The following STRBP variants were observed in gnomAD, a reference collection of about 807,000 sequenced individuals.
STRBP encodes the protein spermatid perinuclear RNA-binding protein.
Under a neutral mutation model 80.1 loss-of-function variants are expected in STRBP, and 13 were observed. That is an observed-to-expected ratio of 0.16 (90% CI 0.11 to 0.26). The LOEUF is 0.26. STRBP is among the 10% of genes least tolerant of loss of function. The pLI is 1.00. For synonymous variants in STRBP, 284 were observed against 291.2 expected (o/e 0.98, Z 0.25); for missense variants, 485 against 815.2 (o/e 0.59, Z 4.93).
At chr9:123,262,014 T>A (rs2041170116) in intron 1 of STRBP, among the ~76,000 whole-genome samples, 1 of 152,216 alleles carries the variant, frequency 6.6e-6, no homozygotes, top group Non-Finnish European at 1.5e-5. Context: ...ACCAACCACT[T>A]ATTTATTAGA....
rs181221377 is a variant in STRBP at position 123,225,412 on chromosome 9, C to A, written c.-165+11418G>T. On this transcript the variant is annotated intron_variant, in intron 2 of 18. Coordinates refer to ENST00000348403, the MANE Select transcript of STRBP (RefSeq NM_018387.5). ...CTAGACACCATGGAAATTATTCTAT[C>A]TAATCACAGCCACCTCTGGAGGTTG... 4.6e-5 allele frequency among the ~76,000 whole-genome samples: 7 copies of A among 152,264 alleles called. No individual in the cohort carries two copies. In the East Asian group the frequency reaches 1.3e-3, roughly 29 times the overall value.
intron 2 of STRBP, among the ~76,000 whole-genome samples, chr9:123,196,930 G>A (rs2039113106): frequency 6.6e-6 from 1 of 152,138 alleles, no homozygotes; most frequent in Admixed American, 6.5e-5. Flanking sequence ...AAAGGTAACT[G>A]CACTCCCATG....
chr9:123,167,565 A>G (rs2037822579), intron 6 of STRBP, among the ~76,000 whole-genome samples: 2 of 152,170 alleles, frequency 1.3e-5, no homozygotes, highest in South Asian at 4.1e-4. Context: ...AAGTTAGAAA[A>G]AACGAGCAAA....
At chr9:123,223,042 A>G (rs1270778857) in intron 2 of STRBP, among the ~76,000 whole-genome samples, 1 of 146,500 alleles carries the variant, frequency 6.8e-6, no homozygotes, top group African/African-American at 2.5e-5. Flanking sequence ...AAGCTCAGAT[A>G]GATAGATGAT....
At chr9:123,212,880 C>A (rs866003314) in intron 2 of STRBP, among the ~76,000 whole-genome samples, 2 of 152,136 alleles carry the variant, frequency 1.3e-5, no homozygotes, top group Non-Finnish European at 2.9e-5. Flanking sequence ...ATAAAAGGGC[C>A]AGACTCATAA....
intron 1 of STRBP, among the ~76,000 whole-genome samples, chr9:123,259,646 T>C (rs552776728): frequency 1.1e-4 from 17 of 151,744 alleles, no homozygotes; most frequent in Non-Finnish European, 2.4e-4. Flanking sequence ...GCAGCAGAGG[T>C]TGCGGTAAGC....
intron 4 of STRBP, 118 bp downstream of exon 4, chr9:123,178,889 G>T: frequency 1.3e-6 from 1 of 799,922 alleles, no homozygotes; most frequent in Non-Finnish European, 2.0e-6. Flanking sequence ...CTTGGTTATA[G>T]TCTCACATAT....
rs542837589 is a variant in STRBP, at chr9:123,146,654, G to A, written c.1338+201C>T. On this transcript the variant is annotated intron_variant, in intron 13 of 18. Transcript: ENST00000348403. ...ATATTTTAATTCTTTACTTCTTTCC[G>A]TATTTTCCAAATTTTGTAAGACTAC... 4.3e-4 allele frequency among the ~76,000 whole-genome samples: 65 copies of A among 150,424 alleles called. 1 individual carries two copies. Among genetic ancestry groups the A allele is most frequent in the African/African-American group, 1.5e-3 (60 of 40,876 alleles).
chr9:123,166,954 A>G (rs1187339471), intron 6 of STRBP, among the ~76,000 whole-genome samples: 1 of 152,214 alleles, frequency 6.6e-6, no homozygotes, highest in Non-Finnish European at 1.5e-5. Flanking sequence ...AAACTTACCT[A>G]TGAAACAGTA....
intron 9 of STRBP, among the ~76,000 whole-genome samples, chr9:123,158,890 G>A (rs575838738): frequency 1.3e-5 from 2 of 152,222 alleles, no homozygotes; most frequent in African/African-American, 4.8e-5. Flanking sequence ...TACCCTTTAT[G>A]TTAGTACATA....
Position 123,115,515 on chromosome 9 carries a change from T to C in STRBP, c.*84+414A>G. On this transcript the variant is annotated intron_variant and NMD_transcript_variant, in intron 3 of 3. Coordinates refer to the STRBP transcript ENST00000471564. The surrounding 1 kb of genome is among the most constrained non-coding windows in gnomAD (Gnocchi z 5.0). ...TCCCTGTACTCTCCATCTGGGTCAA[T>C]GATTTCACCTTCTACTCAGTTGTCT... is the stretch of plus-strand genomic sequence containing the variant. The C allele has an allele frequency of 2.6e-6, 1 of 381,154 alleles. No homozygotes were observed. Among genetic ancestry groups the C allele is most frequent in the Non-Finnish European group, 5.4e-6 (1 of 184,840 alleles). 23.6% of individuals were successfully genotyped at this position (381,154 alleles called of 1,614,324 possible). A position where few individuals can be genotyped will look rare whatever the true frequency, so the allele number is the denominator to read the frequency against.
At chr9:123,154,332 C>T (rs111817242) in intron 11 of STRBP, among the ~76,000 whole-genome samples, 6 of 152,080 alleles carry the variant, frequency 3.9e-5, no homozygotes, top group African/African-American at 1.2e-4. Flanking sequence ...AAGCCAGTCA[C>T]GAAAGATTAA....
chr9:123,148,890 G>A (rs1305696527), intron 11 of STRBP, among the ~76,000 whole-genome samples: 1 of 152,102 alleles, frequency 6.6e-6, no homozygotes, highest in Non-Finnish European at 1.5e-5. Context: ...GCAACATAAT[G>A]GGCACTGAGC....
chr9:123,167,687 A>C (rs909116684), intron 6 of STRBP, among the ~76,000 whole-genome samples: 1 of 152,116 alleles, frequency 6.6e-6, no homozygotes, highest in African/African-American at 2.4e-5. Flanking sequence ...AAAACATTAG[A>C]TCAAAGCTGA....
At chr9:123,193,433 C>T (rs72753298) in intron 2 of STRBP, among the ~76,000 whole-genome samples, 25,649 of 152,140 alleles carry the variant, frequency 0.17, 2,698 homozygotes, top group South Asian at 0.27. Context: ...GCACAAATTC[C>T]ATTACTTATT....
At chr9:123,203,415 T>C (rs2039400222) in intron 2 of STRBP, among the ~76,000 whole-genome samples, 1 of 152,044 alleles carries the variant, frequency 6.6e-6, no homozygotes, top group Non-Finnish European at 1.5e-5. Context: ...TTCTAATAGT[T>C]TCCTGTCTCT....
At chr9:123,174,575 C>G (rs929698401) in intron 4 of STRBP, among the ~76,000 whole-genome samples, 1 of 152,214 alleles carries the variant, frequency 6.6e-6, no homozygotes, top group Non-Finnish European at 1.5e-5. Context: ...TGCCTGCTGA[C>G]TCAGTATCCA....
chr9:123,266,925 C>T (rs184556755), intron 1 of STRBP, among the ~76,000 whole-genome samples: 6 of 152,062 alleles, frequency 3.9e-5, no homozygotes, highest in Admixed American at 3.3e-4. Flanking sequence ...TGCTTCCCTC[C>T]CTCCACCTAC....
In STRBP at chr9:123,136,403, T is replaced by C; in HGVS notation, c.1610A>G (p.His537Arg). 1 of 1,614,148 alleles carries C rather than the reference T, an allele frequency of 6.2e-7. No homozygotes were observed. The highest frequency in any genetic ancestry group is 8.5e-7 in the Non-Finnish European group (1 of 1,180,016). ...YELISETGGS[H>R]DKRFVMEVEV... ...CACCTCCATTACAAAGCGCTTGTCATGGCTTCCACCAGTCTCTGAGATGAG... is the reference window on the plus strand; with the variant it reads ...CACCTCCATTACAAAGCGCTTGTCACGGCTTCCACCAGTCTCTGAGATGAG... The change falls in exon 15 of 19, where the codon CAT becomes CGT. Residue 537 changes from histidine to arginine, a missense_variant. Coordinates refer to ENST00000348403, the MANE Select transcript of STRBP (RefSeq NM_018387.5). This position sits in a 1 kb window ranked among gnomAD's most constrained non-coding sequence, Gnocchi z 4.2.
Sources: allele counts gnomAD v4.1 joint callset (sites outside exome capture counted in the v4.1 genomes callset), GRCh38; gene constraint gnomAD v4.1.1; non-coding constraint Gnocchi (gnomAD v3.1); transcripts MANE v1.5; gene names NCBI Gene and HGNC (gene_info 2026-07-23, HGNC 2026-07-21).